NELL1: variants seen among roughly 807,000 people sequenced by gnomAD.
NELL1 encodes protein kinase C-binding protein NELL1.
In NELL1, 76 loss-of-function variants were observed where a neutral mutation model predicts 107.4. The ratio of observed to expected loss-of-function variants is 0.71; its 90% confidence interval spans 0.59 to 0.86. NELL1 has a LOEUF of 0.86. NELL1 is among the 40% of genes least tolerant of loss of function. The probability of loss-of-function intolerance (pLI) is 0.00; values close to 1 mark genes in which losing one functional copy is unlikely to be tolerated. For synonymous variants in NELL1, 353 were observed against 341.2 expected, an observed-to-expected ratio of 1.03 and a Z score of -0.38; for missense variants, 1,024 against 1,005.5, an observed-to-expected ratio of 1.02 and a Z score of -0.25.
chr11:21,541,729 C>A lies in NELL1; in HGVS notation c.1786+7215C>A, dbSNP rs1005802764. ...GAGCAGCATTTAGAAAGATATTTAA[C>A]CTTTCAAAGCCTTAGTTTTCTTAGT... On this transcript the variant is annotated intron_variant, in intron 16 of 19. Transcript: ENST00000357134. Among the ~76,000 whole-genome samples, 3 of 152,038 alleles carry A rather than the reference C, an allele frequency of 2.0e-5. No individual in the cohort carries two copies. In the South Asian group the frequency reaches 6.2e-4, roughly 31 times the overall value.
chr11:21,571,326 A>C (rs1412334987), intron 18 of NELL1, among the ~76,000 whole-genome samples: 1 of 151,838 alleles, frequency 6.6e-6, no homozygotes, highest in Non-Finnish European at 1.5e-5. Flanking sequence ...AGGTAACAAA[A>C]CATAGTAGAA....
chr11:20,969,418 T>G (rs1352723238), intron 12 of NELL1, among the ~76,000 whole-genome samples: 1 of 152,208 alleles, frequency 6.6e-6, no homozygotes, highest in African/African-American at 2.4e-5. Flanking sequence ...GTAAATGTAT[T>G]CTTTAAAGAG....
chr11:20,704,099 TG>T (rs1473336088), intron 2 of NELL1, among the ~76,000 whole-genome samples: 1 of 152,100 alleles, frequency 6.6e-6, no homozygotes. Context: ...ATGTTGACAG[TG>T]GGGTGTTAAT....
intron 4 of NELL1, among the ~76,000 whole-genome samples, chr11:20,865,493 A>G (rs76206184): frequency 0.03 from 4,562 of 150,810 alleles, 111 homozygotes; most frequent in East Asian, 0.15. Flanking sequence ...CCCTCCCTTC[A>G]CTCTACTGTG....
chr11:20,997,456 T>C (rs973036145), intron 12 of NELL1, among the ~76,000 whole-genome samples: 5 of 152,158 alleles, frequency 3.3e-5, no homozygotes, highest in African/African-American at 1.2e-4. Context: ...TGGTGGGGAT[T>C]GTGGAACAGA....
intron 2 of NELL1, among the ~76,000 whole-genome samples, chr11:20,751,078 C>A (rs543443385): frequency 6.6e-6 from 1 of 151,748 alleles, no homozygotes; most frequent in Non-Finnish European, 1.5e-5. Context: ...TATTTCTATT[C>A]CGCTGATCTA....
At chr11:21,018,095 T>A (rs1213839566) in intron 12 of NELL1, among the ~76,000 whole-genome samples, 1 of 152,160 alleles carries the variant, frequency 6.6e-6, no homozygotes, top group African/African-American at 2.4e-5. Flanking sequence ...TTGATCCTGC[T>A]GTATTTCAGC....
Position 21,050,277 on chromosome 11 carries a change from C to T in NELL1, c.1301-63312C>T, listed in dbSNP as rs563061289. On this transcript the variant is annotated intron_variant, in intron 12 of 19. Coordinates refer to ENST00000357134, the MANE Select transcript of NELL1 (RefSeq NM_006157.5). ...AACTTGCAAACCCATCCCCGCCCCC[C>T]ACTTTTTTTTAACAGCTTCAATCTT... Among the ~76,000 whole-genome samples the T allele has an allele frequency of 3.9e-3, 511 of 130,722 alleles. 3 individuals are homozygous for T. The highest frequency in any genetic ancestry group is 0.016 in the African/African-American group (476 of 30,376). The allele number at this position is 130,722 out of a possible 152,430, so 85.8% of individuals were successfully genotyped here. A position where few individuals can be genotyped will look rare whatever the true frequency, so the allele number is the denominator to read the frequency against.
Position 21,415,597 on chromosome 11 carries a change from T to G in NELL1, c.1645+44649T>G, listed in dbSNP as rs570279385. 2.5e-4 allele frequency among the ~76,000 whole-genome samples: 38 copies of G among 152,214 alleles called. No homozygotes were observed. In the South Asian group the frequency reaches 7.7e-3, roughly 31 times the overall value. On this transcript the variant is annotated intron_variant, in intron 15 of 19. Coordinates refer to ENST00000357134, the MANE Select transcript of NELL1 (RefSeq NM_006157.5). The stretch of plus-strand genomic sequence containing the variant: ...CATTTCCCCCCTATTTTTTCTATTT[T>G]TACAGGAATTGTCCTGGATAGTAAC...
chr11:20,834,351 G>A (rs1232209109), intron 3 of NELL1, among the ~76,000 whole-genome samples: 1 of 152,152 alleles, frequency 6.6e-6, no homozygotes, highest in African/African-American at 2.4e-5. Context: ...CCCAGGTTTT[G>A]GGGAAAGAAT....
chr11:21,322,026 A>G (rs1358235418), intron 14 of NELL1, among the ~76,000 whole-genome samples: 2 of 152,236 alleles, frequency 1.3e-5, no homozygotes, highest in African/African-American at 2.4e-5. Flanking sequence ...GATGAATTCC[A>G]AATAAATCAG....
intron 13 of NELL1, among the ~76,000 whole-genome samples, chr11:21,120,311 A>G (rs989622283): frequency 1.3e-5 from 2 of 152,180 alleles, no homozygotes; most frequent in African/African-American, 4.8e-5. Flanking sequence ...GATGAACTAT[A>G]CAAATATTTT....
At chr11:21,485,650 T>G (rs1854607897) in intron 15 of NELL1, among the ~76,000 whole-genome samples, 1 of 149,068 alleles carries the variant, frequency 6.7e-6, no homozygotes, top group Non-Finnish European at 1.5e-5. Context: ...CCACTGAGAG[T>G]GGCCCCGCCC....
At chr11:21,123,359 G>A (rs1233468859) in intron 13 of NELL1, among the ~76,000 whole-genome samples, 2 of 134,884 alleles carry the variant, frequency 1.5e-5, no homozygotes, top group African/African-American at 5.2e-5. Context: ...GTGTGTGTGT[G>A]TGTGTGTGCG....
At chr11:21,337,792 CTTT>C (rs1338981015) in intron 14 of NELL1, among the ~76,000 whole-genome samples, 2 of 129,748 alleles carry the variant, frequency 1.5e-5, no homozygotes, top group Non-Finnish European at 3.3e-5. Context: ...TTCTTTCTTT[CTTT>C]CCTTCTTTCT....
At chr11:21,422,605 G>T (rs1277622365) in intron 15 of NELL1, among the ~76,000 whole-genome samples, 1 of 152,012 alleles carries the variant, frequency 6.6e-6, no homozygotes, top group African/African-American at 2.4e-5. Flanking sequence ...GAGTGAAGCT[G>T]GTGTAAATTT....
At chr11:21,104,246 T>C (rs1305453447) in intron 12 of NELL1, among the ~76,000 whole-genome samples, 2 of 152,186 alleles carry the variant, frequency 1.3e-5, no homozygotes, top group South Asian at 2.1e-4. Context: ...TTGATCACCC[T>C]TCACTCAATG....
At chr11:20,688,394 C>T (rs956692375) in intron 2 of NELL1, among the ~76,000 whole-genome samples, 3 of 152,142 alleles carry the variant, frequency 2.0e-5, no homozygotes, top group Non-Finnish European at 2.9e-5. Flanking sequence ...TTCCCCCTCT[C>T]GTAGTTCCCA....
At chr11:21,333,852 G>A (rs1850325381) in intron 14 of NELL1, among the ~76,000 whole-genome samples, 1 of 152,028 alleles carries the variant, frequency 6.6e-6, no homozygotes, top group African/African-American at 2.4e-5. Context: ...TTGCTCAAAG[G>A]AAGTCTGTGG....
Sources: allele counts gnomAD v4.1 joint callset (sites outside exome capture counted in the v4.1 genomes callset), GRCh38; gene constraint gnomAD v4.1.1; transcripts MANE v1.5; gene names NCBI Gene and HGNC (gene_info 2026-07-23, HGNC 2026-07-21).